ARCN1: variants seen among roughly 807,000 people sequenced by gnomAD.
The protein encoded by ARCN1 is coatomer subunit delta.
Under a neutral mutation model 60.4 loss-of-function variants are expected in ARCN1, and 5 were observed. That is an observed-to-expected ratio of 0.08 (90% CI 0.04 to 0.17). The LOEUF is 0.17. Ranked by LOEUF, ARCN1 falls within the 10% of genes least tolerant of loss-of-function variation. ARCN1 has a pLI of 1.00. For missense variants in ARCN1, 464 were observed against 626.5 expected (o/e 0.74, Z 2.77); for synonymous variants, 224 against 220.0 (o/e 1.02, Z -0.16).
In ARCN1 at chr11:118,583,179, A is replaced by C; in HGVS notation, c.268A>C (p.Ile90Leu). ...LETLRLFSRVIPEYCRALEEN... is the reference protein window; with the variant it reads ...LETLRLFSRVLPEYCRALEEN... ...CTTTTTTATTGGTGTCCACGCTTAG[A>C]TCCCTGAATATTGCCGAGCCTTAGA... The change falls in exon 3 of 10, where the codon ATC becomes CTC. Residue 90 changes from isoleucine to leucine, a missense_variant and splice_region_variant. Transcript: ENST00000264028. 6.2e-7 allele frequency: 1 copy of C among 1,614,050 alleles called. No homozygotes were observed. Among genetic ancestry groups the C allele is most frequent in the East Asian group, 2.2e-5 (1 of 44,878 alleles).
chr11:118,590,640 A>G, intron 6 of ARCN1, 134 bp downstream of exon 6: 1 of 920,762 alleles, frequency 1.1e-6, no homozygotes, highest in South Asian at 1.7e-5. Flanking sequence ...ACGCTTAGGA[A>G]AGAAGTTAAT....
Position 118,600,725 on chromosome 11 carries a change from A to C in ARCN1, c.*11A>C, listed in dbSNP as rs782186043. On this transcript the variant is annotated 3_prime_UTR_variant, in exon 10 of 10. Transcript: ENST00000264028. ...TATGAAATTCTGTAATACCAAGAAGAGGGAGCTGAAAAGGAAAATTTTCAG... is the reference window on the plus strand; with the variant it reads ...TATGAAATTCTGTAATACCAAGAAGCGGGAGCTGAAAAGGAAAATTTTCAG... 3.8e-6 allele frequency: 6 copies of C among 1,575,432 alleles called. No homozygotes were observed. The highest frequency in any genetic ancestry group is 1.4e-5 in the African/African-American group (1 of 72,764).
intron 1 of ARCN1, among the ~76,000 whole-genome samples, chr11:118,576,473 A>G (rs889622682): frequency 2.1e-4 from 31 of 146,730 alleles, no homozygotes; most frequent in Non-Finnish European, 3.7e-4. Context: ...AATCATATTT[A>G]TTAATTCTTC....
At chr11:118,576,151 A>G (rs1555073501) in intron 1 of ARCN1, among the ~76,000 whole-genome samples, 1 of 151,548 alleles carries the variant, frequency 6.6e-6, no homozygotes, top group African/African-American at 2.4e-5. Flanking sequence ...CAGAAACCTA[A>G]TTCTCCAGGT....
chr11:118,576,451 C>CAAAAAAAAAA (rs1938514738), intron 1 of ARCN1, among the ~76,000 whole-genome samples: 1 of 80,030 alleles, frequency 1.2e-5, no homozygotes, highest in African/African-American at 4.7e-5. Flanking sequence ...AAAAAAAAAC[C>CAAAAAAAAAA]AAAAACTTTG....
intron 5 of ARCN1, 88 bp downstream of exon 5, chr11:118,584,732 T>G (rs1419581832): frequency 2.6e-6 from 3 of 1,161,422 alleles, no homozygotes; most frequent in Non-Finnish European, 3.5e-6. Flanking sequence ...CTATAAATTC[T>G]TTCTCTGTCT....
At position 118,586,386 on chromosome 11, in the gene ARCN1, C is replaced by T. The variant is rs782379917; in HGVS notation, c.818+1742C>T. ...TGCTTGGATTATAGGCGTGAGCCACCGTGCCCAGCCAAGTATTTACTCTTT... is the reference window on the plus strand; with the variant it reads ...TGCTTGGATTATAGGCGTGAGCCACTGTGCCCAGCCAAGTATTTACTCTTT... On this transcript the variant is annotated intron_variant, in intron 5 of 9. Transcript: ENST00000264028. Among the ~76,000 whole-genome samples, 14 of 152,284 alleles carry T rather than the reference C, an allele frequency of 9.2e-5. No individual in the cohort carries two copies. In the East Asian group the frequency reaches 2.3e-3, roughly 25 times the overall value.
In ARCN1 at chr11:118,593,697, C is replaced by G; in HGVS notation, c.1240C>G (p.Pro414Ala). The G allele has an allele frequency of 3.1e-6, 5 of 1,599,540 alleles. No individual in the cohort carries two copies. The highest frequency in any genetic ancestry group is 4.3e-6 in the Non-Finnish European group (5 of 1,167,052). The part of the protein sequence containing the change: ...LNDVVITIPL[P>A]SGVGAPVIGE... Reference sequence around the variant, plus strand: ...TGATGTGGTTATCACCATCCCACTCCCGTAAGTGCTGTCCCTGTGTCCTCT... The same window carrying G: ...TGATGTGGTTATCACCATCCCACTCGCGTAAGTGCTGTCCCTGTGTCCTCT... The change falls in exon 8 of 10, where the codon CCG (proline) becomes GCG (alanine). Residue 414 changes from proline (P) to alanine (A), a missense_variant and splice_region_variant. By Grantham distance (27) the Pro-to-Ala change is conservative. This residue lies in a region of ARCN1 where 359 missense variants were observed against 440.2 expected (regional missense o/e 0.82). Transcript: ENST00000264028.
chr11:118,597,766 G>C lies in ARCN1; in HGVS notation c.1301G>C (p.Arg434Pro). The change falls in exon 9 of 10, where the codon CGA (arginine) becomes CCA (proline). Residue 434 changes from arginine (R) to proline (P), a missense_variant. Arg to Pro is a moderately radical substitution (Grantham distance 103). Transcript: ENST00000264028. ...EIDGEYRHDS[R>P]RNTLEWCLPV... ...GATGGGGAGTATCGACATGACAGTCGACGAAATACCCTGGAGTGGTGCCTG... is the reference window on the plus strand; with the variant it reads ...GATGGGGAGTATCGACATGACAGTCCACGAAATACCCTGGAGTGGTGCCTG... 3 of 1,614,114 alleles carry C rather than the reference G, an allele frequency of 1.9e-6. No individual in the cohort carries two copies. Among genetic ancestry groups the C allele is most frequent in the Non-Finnish European group, 2.5e-6 (3 of 1,180,034 alleles).
In ARCN1 at chr11:118,599,768, TTTA is replaced by T. The variant is rs1338588656; in HGVS notation, c.1447-855_1447-853del. Among the ~76,000 whole-genome samples the T allele has an allele frequency of 4.6e-5, 7 of 152,258 alleles. No individual in the cohort carries two copies. The East Asian group carries it at 1.3e-3, about 29-fold the overall frequency. ...TTTAATTTGCATTACTAGGACCCAG[TTTA>T]TATTATTAATATTCCCCTCTTTTTG... On this transcript the variant is annotated intron_variant, in intron 9 of 9. Coordinates refer to ENST00000264028, the MANE Select transcript of ARCN1 (RefSeq NM_001655.5).
chr11:118,599,592 A>AT (rs1175710704), intron 9 of ARCN1, among the ~76,000 whole-genome samples: 4 of 143,996 alleles, frequency 2.8e-5, no homozygotes, highest in South Asian at 2.2e-4. Flanking sequence ...CACCCAGCTA[A>AT]TTTTTTTTTG....
Position 118,590,387 on chromosome 11 carries a change from G to C in ARCN1, c.865G>C (p.Asp289His). ...EEKITLTCGR[D>H]GGLQNMELHG... Reference sequence around the variant, plus strand: ...AAAGATAACATTAACCTGTGGACGAGACGGAGGATTACAGAATATGGAGTT... The same window carrying C: ...AAAGATAACATTAACCTGTGGACGACACGGAGGATTACAGAATATGGAGTT... The change falls in exon 6 of 10, where the codon GAC becomes CAC. Residue 289 changes from aspartate to histidine, a missense_variant. This residue lies in a region of ARCN1 where 359 missense variants were observed against 440.2 expected (regional missense o/e 0.82). Transcript: ENST00000264028. The C allele has an allele frequency of 6.2e-7, 1 of 1,614,118 alleles. No homozygotes were observed. The highest frequency in any genetic ancestry group is 8.5e-7 in the Non-Finnish European group (1 of 1,179,916).
rs142018679 is a variant in ARCN1 at position 118,593,768 on chromosome 11, A to C, written c.1241+70A>C. The C allele has an allele frequency of 3.5e-5, 34 of 983,806 alleles. No homozygotes were observed. In the East Asian group the frequency reaches 8.3e-4, roughly 24 times the overall value. 60.9% of individuals were successfully genotyped at this position (983,806 alleles called of 1,614,324 possible). The stretch of plus-strand genomic sequence containing the variant: ...GTCTTTTGGAACTCATTTTGGAGTC[A>C]GCACCTACCTGACCTGACTGTCCAT... On this transcript the variant is annotated intron_variant, in intron 8 of 9. Coordinates refer to ENST00000264028, the MANE Select transcript of ARCN1 (RefSeq NM_001655.5).
rs782274425 is a variant in ARCN1 at position 118,592,839 on chromosome 11, C to A, written c.1115C>A (p.Ser372Tyr). ...TGGAGACTACAAACCACAGAGGAATCTTTTATTCCACTGACAAGTAAGTGC... is the reference window on the plus strand; with the variant it reads ...TGGAGACTACAAACCACAGAGGAATATTTTATTCCACTGACAAGTAAGTGC... ...LKWRLQTTEE[S>Y]FIPLTINCWP... The change falls in exon 7 of 10, where the codon TCT (serine) becomes TAT (tyrosine). Residue 372 changes from serine to tyrosine, a missense_variant. Ser to Tyr is a moderately radical substitution (Grantham distance 144). Coordinates refer to ENST00000264028, the MANE Select transcript of ARCN1 (RefSeq NM_001655.5). 2 of 1,613,878 alleles carry A rather than the reference C, an allele frequency of 1.2e-6. No homozygotes were observed. The highest frequency in any genetic ancestry group is 2.7e-5 in the African/African-American group (2 of 74,924).
intron 8 of ARCN1, chr11:118,594,180 C>T (rs1257649731): frequency 6.5e-6 from 1 of 153,264 alleles, no homozygotes; most frequent in Non-Finnish European, 1.5e-5. Flanking sequence ...GCTCACTGCA[C>T]CCTCCACCTC....
At chr11:118,593,944 G>T in intron 8 of ARCN1, 1 of 324,446 alleles carries the variant, frequency 3.1e-6, no homozygotes, top group Non-Finnish European at 5.8e-6. Context: ...ACTTCAGAGG[G>T]GCACAAGGGA....
At chr11:118,584,079 A>C (rs1938722358) in intron 4 of ARCN1, 65 bp downstream of exon 4, 2 of 1,469,974 alleles carry the variant, frequency 1.4e-6, no homozygotes, top group East Asian at 2.3e-5. Context: ...TTGAAGTCAT[A>C]ATCTGATTTC....
At chr11:118,598,488 AT>A (rs1174732773) in intron 9 of ARCN1, among the ~76,000 whole-genome samples, 14,467 of 111,136 alleles carry the variant, frequency 0.13, 793 homozygotes, top group East Asian at 0.43. Context: ...GTTCCTTCGG[AT>A]TTTTTTTTTT....
chr11:118,581,937 G>GACAGAC (rs1555074708), intron 2 of ARCN1, among the ~76,000 whole-genome samples: 12 of 140,704 alleles, frequency 8.5e-5, no homozygotes, highest in African/African-American at 2.6e-4. Flanking sequence ...CAGACAGACA[G>GACAGAC]ACACACACAC....
Sources: gnomAD v4.1 joint callset for allele counts (sites outside exome capture counted in the v4.1 genomes callset) on GRCh38, gnomAD v4.1.1 for gene constraint, gnomAD v4.1.1 regional missense constraint, MANE v1.5 for transcripts, NCBI Gene and HGNC (gene_info 2026-07-23, HGNC 2026-07-21) for gene names.